The following MBD2 variants were observed in gnomAD, a reference collection of about 807,000 sequenced individuals.
The protein encoded by MBD2 is methyl-CpG binding domain protein 2, also known as methyl-CpG-binding domain protein 2.
In MBD2, 9 loss-of-function variants were observed where a neutral mutation model predicts 39.3. That is an observed-to-expected ratio of 0.23 (90% confidence interval 0.14 to 0.40). The LOEUF (loss-of-function observed/expected upper bound fraction) is 0.40. Ranked by LOEUF, MBD2 falls within the 10% of genes least tolerant of loss-of-function variation. MBD2 has a pLI of 1.00. For missense variants in MBD2, 458 were observed against 532.6 expected, an observed-to-expected ratio of 0.86 and a Z score of 1.38; for synonymous variants, 233 against 211.1, an observed-to-expected ratio of 1.10 and a Z score of -0.90.
Position 54,224,414 on chromosome 18 carries a change from A to G in MBD2, c.146T>C (p.Val49Ala). 8.0e-7 allele frequency: 1 copy of G among 1,242,256 alleles called. No homozygotes were observed. Among genetic ancestry groups the G allele is most frequent in the Non-Finnish European group, 1.0e-6 (1 of 995,720 alleles). 77.0% of individuals were successfully genotyped at this position (1,242,256 alleles called of 1,614,324 possible). A position where few individuals can be genotyped will look rare whatever the true frequency, so the allele number is the denominator to read the frequency against. Residue 49 changes from valine to alanine, a missense_variant, in exon 1 of 7, where the codon GTG (valine) becomes GCG (alanine). Coordinates refer to ENST00000256429, the MANE Select transcript of MBD2 (RefSeq NM_003927.5). Reference protein sequence around the residue: ...SALAPSPVSGVRREGARGGGR... With the variant: ...SALAPSPVSGARREGARGGGR... ...GCCGCCCCGAGCGCCTTCCCTGCGC[A>G]CGCCGCTCACCGGGGACGGGGCGAG...
intron 3 of MBD2, among the ~76,000 whole-genome samples, chr18:54,175,874 T>G (rs1429270143): frequency 6.6e-6 from 1 of 152,246 alleles, no homozygotes; most frequent in Non-Finnish European, 1.5e-5. Flanking sequence ...TGTATGTTTC[T>G]GTATTCTTTA....
At chr18:54,175,109 C>G (rs886469110) in intron 3 of MBD2, among the ~76,000 whole-genome samples, 6 of 152,236 alleles carry the variant, frequency 3.9e-5, no homozygotes, top group African/African-American at 1.2e-4. Context: ...CATGTATTGT[C>G]TTAAAAAGCA....
chr18:54,202,761 T>G, intron 2 of MBD2: 2 of 1,464,648 alleles, frequency 1.4e-6, no homozygotes, highest in Non-Finnish European at 1.8e-6. Context: ...GTAAATCAAA[T>G]AAACATAAAG....
chr18:54,200,016 C>T (rs1248018595), intron 2 of MBD2, among the ~76,000 whole-genome samples: 7 of 152,058 alleles, frequency 4.6e-5, no homozygotes, highest in Non-Finnish European at 8.8e-5. Flanking sequence ...ACCTAGTATA[C>T]AGCCATATAC....
chr18:54,175,284 C>T (rs1226589228), intron 3 of MBD2, among the ~76,000 whole-genome samples: 1 of 152,150 alleles, frequency 6.6e-6, no homozygotes, highest in African/African-American at 2.4e-5. Flanking sequence ...ATATTAACCC[C>T]CAAGCCAAGA....
intron 3 of MBD2, among the ~76,000 whole-genome samples, chr18:54,171,265 G>A (rs939734020): frequency 4.7e-4 from 72 of 152,114 alleles, no homozygotes; most frequent in African/African-American, 1.7e-3. Context: ...GCTGGGCGTG[G>A]TGGCGCATGC....
intron 1 of MBD2, among the ~76,000 whole-genome samples, chr18:54,218,914 A>T (rs1419008613): frequency 6.6e-6 from 1 of 151,032 alleles, no homozygotes; most frequent in Non-Finnish European, 1.5e-5. Context: ...GTGAGCTGAG[A>T]TTGCACCACT....
intron 3 of MBD2, among the ~76,000 whole-genome samples, chr18:54,174,462 C>T (rs1051716474): frequency 2.0e-5 from 3 of 152,192 alleles, no homozygotes; most frequent in Non-Finnish European, 4.4e-5. Context: ...ATTCATGGGC[C>T]TTAGAAGAAC....
At chr18:54,194,283 A>C (rs554573069) in intron 2 of MBD2, among the ~76,000 whole-genome samples, 1 of 152,176 alleles carries the variant, frequency 6.6e-6, no homozygotes, top group South Asian at 2.1e-4. Flanking sequence ...CATTACCTAC[A>C]TTACCTATTT....
intron 2 of MBD2, among the ~76,000 whole-genome samples, chr18:54,203,619 G>A (rs2086425608): frequency 6.6e-6 from 1 of 152,184 alleles, no homozygotes; most frequent in Non-Finnish European, 1.5e-5. Flanking sequence ...AAGAAACAAT[G>A]CATTTTGACC....
At chr18:54,194,599 A>G (rs936430742) in intron 2 of MBD2, among the ~76,000 whole-genome samples, 13 of 151,660 alleles carry the variant, frequency 8.6e-5, no homozygotes, top group Admixed American at 6.6e-4. Context: ...AATTTTTTAA[A>G]TAATTTTATG....
intron 1 of MBD2, among the ~76,000 whole-genome samples, chr18:54,215,654 C>A (rs1599111271): frequency 6.6e-6 from 1 of 151,900 alleles, no homozygotes; most frequent in Non-Finnish European, 1.5e-5. Flanking sequence ...CATCACCACG[C>A]CCATCTAATT....
In MBD2 at chr18:54,202,928, A is replaced by G. The variant is rs1175401628; in HGVS notation, c.702+2070T>C. On this transcript the variant is annotated intron_variant, in intron 2 of 6. Transcript: ENST00000256429. ...GGAAAGGATTGGTTCTGCCTGGAGT[A>G]TGCAGGGCAGGCTTCCCAGAGATGG... 2.6e-5 allele frequency: 27 copies of G among 1,037,470 alleles called. No homozygotes were observed. In the East Asian group the frequency reaches 2.8e-4, roughly 11 times the overall value. The allele number at this position is 1,037,470 out of a possible 1,614,324, so 64.3% of individuals were successfully genotyped here.
chr18:54,223,566 T>C (rs1346189763), intron 1 of MBD2, among the ~76,000 whole-genome samples: 4 of 152,252 alleles, frequency 2.6e-5, no homozygotes, highest in Admixed American at 1.3e-4. Context: ...AGCTGCTTTA[T>C]ACAAAACTTT....
intron 2 of MBD2, among the ~76,000 whole-genome samples, chr18:54,194,649 G>A (rs1485093233): frequency 6.6e-6 from 1 of 151,858 alleles, no homozygotes; most frequent in Non-Finnish European, 1.5e-5. Flanking sequence ...ATGGGACAAG[G>A]TATAGCATCA....
intron 1 of MBD2, among the ~76,000 whole-genome samples, chr18:54,212,366 A>G (rs1198694007): frequency 6.6e-6 from 1 of 152,194 alleles, no homozygotes; most frequent in Non-Finnish European, 1.5e-5. Flanking sequence ...TAGGCAAATA[A>G]TCATGAACTG....
intron 3 of MBD2, among the ~76,000 whole-genome samples, chr18:54,173,552 T>A (rs2086192296): frequency 6.6e-6 from 1 of 152,194 alleles, no homozygotes. Context: ...TGTAATCTCA[T>A]CCTGAAACTT....
At chr18:54,216,067 A>G (rs1241259797) in intron 1 of MBD2, among the ~76,000 whole-genome samples, 2 of 152,080 alleles carry the variant, frequency 1.3e-5, no homozygotes, top group Non-Finnish European at 2.9e-5. Flanking sequence ...TCGGCCTCCC[A>G]AAGTGCTGGG....
intron 2 of MBD2, among the ~76,000 whole-genome samples, chr18:54,198,366 GTTAT>G (rs1344784746): frequency 6.6e-6 from 1 of 152,174 alleles, no homozygotes; most frequent in Admixed American, 6.5e-5. Context: ...TAAAAAAGTG[GTTAT>G]TTTTCAGTTA....
Sources: gnomAD v4.1 joint callset for allele counts (sites outside exome capture counted in the v4.1 genomes callset) on GRCh38, gnomAD v4.1.1 for gene constraint, MANE v1.5 for transcripts, NCBI Gene and HGNC (gene_info 2026-07-23, HGNC 2026-07-21) for gene names.